FSTL4: variants seen among roughly 807,000 people sequenced by gnomAD.
FSTL4 encodes the protein follistatin like 4.
FSTL4 carries 28 observed loss-of-function variants against 78.2 expected under a neutral mutation model. The observed-to-expected ratio is 0.36, with a 90% CI of 0.27 to 0.49. The LOEUF is 0.49. Among genes scored for constraint, FSTL4 ranks in the 20% least tolerant of loss-of-function variants. The pLI is 0.98. For synonymous variants in FSTL4, 422 were observed against 440.5 expected, an observed-to-expected ratio of 0.96 and a Z score of 0.53; for missense variants, 922 against 1,084.9, an observed-to-expected ratio of 0.85 and a Z score of 2.11.
the FSTL4 span, among the ~76,000 whole-genome samples, chr5:133,764,404 C>T: frequency 6.6e-6 from 1 of 152,148 alleles, no homozygotes; most frequent in African/African-American, 2.4e-5. Context: ...GGCATGATTC[C>T]AGGAGTGGGA....
At chr5:133,622,463 G>T in the FSTL4 span, among the ~76,000 whole-genome samples, 1 of 151,940 alleles carries the variant, frequency 6.6e-6, no homozygotes, top group Admixed American at 6.6e-5. Flanking sequence ...GGCCAATTTC[G>T]AATAAAAATG....
chr5:133,664,047 C>T, the FSTL4 span, among the ~76,000 whole-genome samples: 5 of 151,944 alleles, frequency 3.3e-5, no homozygotes, highest in East Asian at 1.9e-4. Context: ...TGTGGGGGCA[C>T]GCTGATTATC....
chr5:133,287,502 A>G (rs7724443), intron 6 of FSTL4, among the ~76,000 whole-genome samples: 126,519 of 152,120 alleles, frequency 0.83, 53,164 homozygotes, highest in African/African-American at 0.96. Flanking sequence ...GCAGTGGCTC[A>G]GGATGCTACC....
At chr5:133,312,404 T>C (rs1753806596) in intron 6 of FSTL4, 1 of 524,476 alleles carries the variant, frequency 1.9e-6, no homozygotes, top group African/African-American at 1.9e-5. Context: ...TCAATTACAG[T>C]CCTGGGCCCC....
At chr5:133,682,730 G>T in the FSTL4 span, among the ~76,000 whole-genome samples, 2 of 152,218 alleles carry the variant, frequency 1.3e-5, no homozygotes, top group African/African-American at 4.8e-5. Context: ...AGGGCTGGTG[G>T]GTGGGGTGGC....
At chr5:133,740,973 ATGG>A in the FSTL4 span, among the ~76,000 whole-genome samples, 2 of 150,228 alleles carry the variant, frequency 1.3e-5, no homozygotes, top group Non-Finnish European at 2.9e-5. Flanking sequence ...GGATGGATGG[ATGG>A]ATGGGAGGGT....
chr5:133,448,084 C>T (rs954170469), intron 3 of FSTL4, among the ~76,000 whole-genome samples: 1 of 152,238 alleles, frequency 6.6e-6, no homozygotes, highest in Non-Finnish European at 1.5e-5. Flanking sequence ...TCTTTGCTCA[C>T]ACTTGAGATG....
chr5:133,841,373 C>T, the FSTL4 span, among the ~76,000 whole-genome samples: 42 of 152,342 alleles, frequency 2.8e-4, 1 homozygote, highest in East Asian at 2.7e-3. Context: ...TTGCCATGCA[C>T]GGTATCACCG....
the FSTL4 span, among the ~76,000 whole-genome samples, chr5:133,624,948 C>T: frequency 9.9e-5 from 15 of 151,490 alleles, no homozygotes; most frequent in Non-Finnish European, 1.8e-4. Context: ...TCTCTCATTT[C>T]TTTCATTACT....
At chr5:133,700,144 C>T in the FSTL4 span, among the ~76,000 whole-genome samples, 1 of 151,710 alleles carries the variant, frequency 6.6e-6, no homozygotes, top group South Asian at 2.1e-4. Flanking sequence ...ACCAAAACAT[C>T]ACACTGAACC....
intron 3 of FSTL4, among the ~76,000 whole-genome samples, chr5:133,548,781 A>C (rs1053489497): frequency 1.3e-5 from 2 of 152,312 alleles, no homozygotes; most frequent in Non-Finnish European, 2.9e-5. Context: ...ACATAAAAAA[A>C]CTCTGAAGAA....
chr5:133,768,315 T>G, the FSTL4 span, among the ~76,000 whole-genome samples: 1 of 152,184 alleles, frequency 6.6e-6, no homozygotes, highest in African/African-American at 2.4e-5. Context: ...AATCTGAACT[T>G]TCAACCACCA....
intron 1 of FSTL4, among the ~76,000 whole-genome samples, chr5:133,605,489 CAT>C (rs1012442402): frequency 1.5e-4 from 23 of 152,314 alleles, no homozygotes; most frequent in African/African-American, 5.5e-4. Context: ...GAAGTTGTCA[CAT>C]AGTCACTAGT....
chr5:133,674,060 A>T, the FSTL4 span, among the ~76,000 whole-genome samples: 1 of 152,214 alleles, frequency 6.6e-6, no homozygotes, highest in Non-Finnish European at 1.5e-5. Context: ...ATACAGCAAC[A>T]ACAGAGGCCC....
At chr5:133,233,365 A>T in intron 8 of FSTL4, 52 bp downstream of exon 8, 1 of 1,605,284 alleles carries the variant, frequency 6.2e-7, no homozygotes, top group Non-Finnish European at 8.5e-7. Context: ...TGATCTGAGC[A>T]GCAGTTTGGG....
chr5:133,673,995 A>T, the FSTL4 span, among the ~76,000 whole-genome samples: 18 of 152,304 alleles, frequency 1.2e-4, no homozygotes, highest in African/African-American at 4.1e-4. Context: ...AACATATTTA[A>T]ACTTTTGTGA....
chr5:133,826,193 C>G, the FSTL4 span, among the ~76,000 whole-genome samples: 1 of 152,316 alleles, frequency 6.6e-6, no homozygotes, highest in South Asian at 2.1e-4. Context: ...TCACCAGAGG[C>G]CTGGAGAGAT....
the FSTL4 span, among the ~76,000 whole-genome samples, chr5:133,739,756 A>G: frequency 6.6e-6 from 1 of 152,224 alleles, no homozygotes; most frequent in Admixed American, 6.5e-5. Flanking sequence ...TCTTTACAAT[A>G]ATACCTTCCT....
At chr5:133,250,458 T>G (rs1752187957) in intron 6 of FSTL4, among the ~76,000 whole-genome samples, 1 of 152,138 alleles carries the variant, frequency 6.6e-6, no homozygotes, top group Non-Finnish European at 1.5e-5. Context: ...AGAGGTGGCA[T>G]GAGCTGAGGG....
Sources: gnomAD v4.1 joint callset for allele counts (sites outside exome capture counted in the v4.1 genomes callset) on GRCh38, gnomAD v4.1.1 for gene constraint, MANE v1.5 for transcripts, NCBI Gene and HGNC (gene_info 2026-07-23, HGNC 2026-07-21) for gene names.